CNTNAP2: variants seen among roughly 807,000 people sequenced by gnomAD.
CNTNAP2 encodes the protein contactin associated protein 2.
In CNTNAP2, 98 loss-of-function variants were observed where a neutral mutation model predicts 155.2. That is an observed-to-expected ratio of 0.63 (90% CI 0.54 to 0.75). CNTNAP2 has a LOEUF of 0.75. Ranked by LOEUF, CNTNAP2 falls within the 30% of genes least tolerant of loss-of-function variation. The probability of loss-of-function intolerance (pLI) is 0.00; values close to 1 mark genes in which losing one functional copy is unlikely to be tolerated. For synonymous variants in CNTNAP2, 651 were observed against 631.2 expected (o/e 1.03, Z -0.47); for missense variants, 1,727 against 1,688.1 (o/e 1.02, Z -0.40).
chr7:147,403,822 GA>G (rs34752836), intron 10 of CNTNAP2, among the ~76,000 whole-genome samples: 6,401 of 150,560 alleles, frequency 0.043, 153 homozygotes, highest in South Asian at 0.059. Flanking sequence ...CATAGAGTAA[GA>G]AAAAAAAAAT....
intron 15 of CNTNAP2, among the ~76,000 whole-genome samples, chr7:148,085,746 G>T (rs143425055): frequency 4.7e-4 from 68 of 146,194 alleles, no homozygotes; most frequent in African/African-American, 1.6e-3. Flanking sequence ...CTGTCAGTCT[G>T]TCTTGCTCTG....
intron 13 of CNTNAP2, among the ~76,000 whole-genome samples, chr7:147,844,939 T>C: frequency 6.9e-6 from 1 of 145,542 alleles, no homozygotes. Flanking sequence ...ATCCCAGGGA[T>C]GAAGCTGACT....
intron 3 of CNTNAP2, among the ~76,000 whole-genome samples, chr7:146,955,967 T>G (rs1391192339): frequency 6.6e-6 from 1 of 152,030 alleles, no homozygotes; most frequent in East Asian, 1.9e-4. Context: ...GACTGATGGA[T>G]TTTTATCCTT....
chr7:147,066,441 A>C (rs1799781214), intron 4 of CNTNAP2, among the ~76,000 whole-genome samples: 1 of 152,168 alleles, frequency 6.6e-6, no homozygotes, highest in Non-Finnish European at 1.5e-5. Flanking sequence ...CTTTTTATAA[A>C]ACTAAACAGC....
At chr7:148,047,784 G>C (rs968086470) in intron 15 of CNTNAP2, among the ~76,000 whole-genome samples, 1 of 152,182 alleles carries the variant, frequency 6.6e-6, no homozygotes, top group Non-Finnish European at 1.5e-5. Context: ...AAGTAGATGA[G>C]TTTGCAAACA....
At chr7:146,339,577 G>A (rs1801338128) in intron 1 of CNTNAP2, among the ~76,000 whole-genome samples, 1 of 152,094 alleles carries the variant, frequency 6.6e-6, no homozygotes, top group Non-Finnish European at 1.5e-5. Flanking sequence ...TCTGGAAATA[G>A]GGTCATTTGG....
Position 146,607,767 on chromosome 7 carries a change from CG to C in CNTNAP2, c.98-166501del, listed in dbSNP as rs1343329397. Among the ~76,000 whole-genome samples, 3 of 152,142 alleles carry C rather than the reference CG, an allele frequency of 2.0e-5. No individual in the cohort carries two copies. The East Asian group carries it at 5.8e-4, about 30-fold the overall frequency. On this transcript the variant is annotated intron_variant, in intron 1 of 23. Coordinates refer to ENST00000361727, the MANE Select transcript of CNTNAP2 (RefSeq NM_014141.6). ...TGCTGTGATTACAAACATGAGCCAC[CG>C]GGCCTGGCCTTCACCATCTTTCTTC...
In CNTNAP2 at chr7:148,218,592, C is replaced by T. The variant is rs112167693; in HGVS notation, c.3247+1068C>T. On this transcript the variant is annotated intron_variant, in intron 19 of 23. Coordinates refer to ENST00000361727, the MANE Select transcript of CNTNAP2 (RefSeq NM_014141.6). Reference sequence around the variant, plus strand: ...ATTATTTGTAGAGTTGGGGGTCTCACGATGTTGCCAGGCCTGGTCTTGAAC... The same window carrying T: ...ATTATTTGTAGAGTTGGGGGTCTCATGATGTTGCCAGGCCTGGTCTTGAAC... Among the ~76,000 whole-genome samples the T allele has an allele frequency of 3.7e-3, 558 of 152,092 alleles. 5 individuals carry two copies. The highest frequency in any genetic ancestry group is 0.013 in the African/African-American group (530 of 41,492).
intron 3 of CNTNAP2, among the ~76,000 whole-genome samples, chr7:146,846,373 A>C (rs921522306): frequency 5.3e-5 from 8 of 151,468 alleles, no homozygotes; most frequent in African/African-American, 1.7e-4. Flanking sequence ...TCTTTGATAT[A>C]AATGGGGTAA....
chr7:148,125,016 T>C (rs1360563007), intron 16 of CNTNAP2, among the ~76,000 whole-genome samples: 1 of 152,116 alleles, frequency 6.6e-6, no homozygotes, highest in Non-Finnish European at 1.5e-5. Flanking sequence ...AAGCATTTTG[T>C]ATTGTTAGAG....
intron 1 of CNTNAP2, among the ~76,000 whole-genome samples, chr7:146,618,885 C>A (rs1158286019): frequency 6.6e-6 from 1 of 151,948 alleles, no homozygotes; most frequent in Non-Finnish European, 1.5e-5. Context: ...GCCTGGCCAA[C>A]ATGGTGAAAC....
rs925177925 is a variant in CNTNAP2, at chr7:146,929,870, G to A, written c.402+89966G>A. On this transcript the variant is annotated intron_variant, in intron 3 of 23. Transcript: ENST00000361727. ...GAAGATGAAATAAATGAAATGAAGCGAGAAGGGAAGTTTAGAGAAAAAAGA... is the reference window on the plus strand; with the variant it reads ...GAAGATGAAATAAATGAAATGAAGCAAGAAGGGAAGTTTAGAGAAAAAAGA... Among the ~76,000 whole-genome samples the A allele has an allele frequency of 3.3e-5, 5 of 152,226 alleles. No individual in the cohort carries two copies. The South Asian group carries it at 6.2e-4, about 19-fold the overall frequency.
chr7:147,210,911 T>C (rs1803132377), intron 8 of CNTNAP2, among the ~76,000 whole-genome samples: 1 of 151,992 alleles, frequency 6.6e-6, no homozygotes, highest in Non-Finnish European at 1.5e-5. Flanking sequence ...TTGATTTCTA[T>C]TTATATTCCA....
chr7:147,300,352 G>C, intron 9 of CNTNAP2, 62 bp downstream of exon 9: 1 of 1,580,412 alleles, frequency 6.3e-7, no homozygotes, highest in Admixed American at 1.7e-5. Flanking sequence ...TCAAAATGAA[G>C]TTTGATTATG....
intron 1 of CNTNAP2, among the ~76,000 whole-genome samples, chr7:146,158,031 C>T (rs898457687): frequency 7.9e-5 from 12 of 152,278 alleles, no homozygotes; most frequent in African/African-American, 2.4e-4. Context: ...CCCTCTGAGT[C>T]GAAACTTCCA....
At chr7:147,354,733 G>C (rs1796033433) in intron 9 of CNTNAP2, among the ~76,000 whole-genome samples, 1 of 152,106 alleles carries the variant, frequency 6.6e-6, no homozygotes, top group African/African-American at 2.4e-5. Context: ...GGGCAGTATG[G>C]CCATTTCCAC....
intron 9 of CNTNAP2, among the ~76,000 whole-genome samples, chr7:147,352,398 T>G (rs1464422964): frequency 6.6e-6 from 1 of 151,992 alleles, no homozygotes; most frequent in South Asian, 2.1e-4. Flanking sequence ...TTAACAGTTC[T>G]TGTTAAGATA....
At chr7:146,973,172 G>T (rs1368565558) in intron 3 of CNTNAP2, among the ~76,000 whole-genome samples, 1 of 152,110 alleles carries the variant, frequency 6.6e-6, no homozygotes, top group Admixed American at 6.6e-5. Context: ...GGAATTATAG[G>T]CACGTGCTGA....
Position 148,301,306 on chromosome 7 carries a change from A to AAAAATATATAT in CNTNAP2, c.3475+34181_3475+34182insAAATATATATA. On this transcript the variant is annotated intron_variant, in intron 21 of 23. Coordinates refer to ENST00000361727, the MANE Select transcript of CNTNAP2 (RefSeq NM_014141.6). ...GAGACTCCGTCTAAAAAAAAAAAAA[A>AAAAATATATAT]ATATATATATATATATAGGTTAAAA... Among the ~76,000 whole-genome samples, 142 of 103,836 alleles carry AAAAATATATAT rather than the reference A, an allele frequency of 1.4e-3. 1 individual carries two copies. Among genetic ancestry groups the AAAAATATATAT allele is most frequent in the African/African-American group, 5.1e-3 (136 of 26,560 alleles). 68.1% of individuals were successfully genotyped at this position (103,836 alleles called of 152,430 possible). A position where few individuals can be genotyped will look rare whatever the true frequency, so the allele number is the denominator to read the frequency against.
Sources: allele counts gnomAD v4.1 joint callset (sites outside exome capture counted in the v4.1 genomes callset), GRCh38; gene constraint gnomAD v4.1.1; transcripts MANE v1.5; gene names NCBI Gene and HGNC (gene_info 2026-07-23, HGNC 2026-07-21).